Variants in FOXK2 observed in about 807,000 individuals in gnomAD.
FOXK2 encodes the protein forkhead box protein K2.
FOXK2 carries 24 observed loss-of-function variants against 53.3 expected under a neutral mutation model. The ratio of observed to expected loss-of-function variants is 0.45; its 90% CI spans 0.33 to 0.63. The LOEUF (loss-of-function observed/expected upper bound fraction) is 0.63. Among genes scored for constraint, FOXK2 ranks in the 30% least tolerant of loss-of-function variants. FOXK2 has a pLI of 0.03. For synonymous variants in FOXK2, 505 were observed against 407.1 expected (o/e 1.24, Z -2.89); for missense variants, 952 against 910.5 (o/e 1.05, Z -0.59).
At chr17:82,569,924 A>AG (rs34721019) in intron 3 of FOXK2, among the ~76,000 whole-genome samples, 91,402 of 151,086 alleles carry the variant, frequency 0.6, 28,037 homozygotes, top group South Asian at 0.79. Flanking sequence ...TTTTCTGTTT[A>AG]AAAAAAAAAG....
intron 1 of FOXK2, among the ~76,000 whole-genome samples, chr17:82,533,047 A>G (rs1599880252): frequency 6.6e-6 from 1 of 152,146 alleles, no homozygotes; most frequent in Non-Finnish European, 1.5e-5. Flanking sequence ...GTTCCACTCC[A>G]AAGTTCTTAG....
At chr17:82,593,285 T>C (rs2045273619) in intron 8 of FOXK2, 1 of 145,516 alleles carries the variant, frequency 6.9e-6, no homozygotes, top group African/African-American at 2.6e-5. Context: ...GCAGACCCTG[T>C]GAAGGTCTCC....
chr17:82,537,299 T>C (rs1483307721), intron 1 of FOXK2, among the ~76,000 whole-genome samples: 3 of 152,200 alleles, frequency 2.0e-5, no homozygotes, highest in Admixed American at 6.5e-5. Flanking sequence ...TTTAAAAATA[T>C]TGTGAAATAA....
Position 82,596,517 on chromosome 17 carries a change from A to G in FOXK2, c.1787-4786A>G, listed in dbSNP as rs908600852. Among the ~76,000 whole-genome samples, 4 of 152,340 alleles carry G rather than the reference A, an allele frequency of 2.6e-5. No homozygotes were observed. The South Asian group carries it at 8.4e-4, about 32-fold the overall frequency. ...CTCGTCACGCCCCGGGACCGCGCAC[A>G]CGTGGGGACTGTTTCCAGACGCACT... is the stretch of plus-strand genomic sequence containing the variant. On this transcript the variant is annotated intron_variant, in intron 8 of 8. Coordinates refer to ENST00000335255, the MANE Select transcript of FOXK2 (RefSeq NM_004514.4).
intron 1 of FOXK2, among the ~76,000 whole-genome samples, chr17:82,524,584 G>T (rs1730747320): frequency 6.6e-6 from 1 of 152,182 alleles, no homozygotes; most frequent in African/African-American, 2.4e-5. Flanking sequence ...GGCTCAGTGT[G>T]TACAAAGATT....
At chr17:82,521,715 A>G (rs1312913797) in intron 1 of FOXK2, among the ~76,000 whole-genome samples, 7 of 146,618 alleles carry the variant, frequency 4.8e-5, no homozygotes, top group Middle Eastern at 3.2e-3. Flanking sequence ...GTGGATCACG[A>G]GGTCAGGAGG....
rs142839794 is a variant in FOXK2, at chr17:82,574,726, A to G, written c.909+2856A>G. ...TGAGATTCTCTGAGCCGCCCTTCCC[A>G]GTGCCTCAGACCTTATTCTGACTTC... On this transcript the variant is annotated intron_variant, in intron 4 of 8. Coordinates refer to ENST00000335255, the MANE Select transcript of FOXK2 (RefSeq NM_004514.4). Among the ~76,000 whole-genome samples the G allele has an allele frequency of 2.4e-4, 37 of 152,276 alleles. No homozygotes were observed. In the East Asian group the frequency reaches 6.8e-3, roughly 28 times the overall value.
intron 3 of FOXK2, among the ~76,000 whole-genome samples, chr17:82,571,154 G>A (rs570921003): frequency 6.6e-6 from 1 of 152,270 alleles, no homozygotes; most frequent in Admixed American, 6.5e-5. Context: ...TCGTGGTTGA[G>A]GTGCTTTGCC....
intron 1 of FOXK2, among the ~76,000 whole-genome samples, chr17:82,558,836 T>A (rs1164798299): frequency 6.6e-6 from 1 of 152,056 alleles, no homozygotes; most frequent in East Asian, 1.9e-4. Flanking sequence ...AAGCTCCGCC[T>A]CCTGGGTTCA....
chr17:82,568,776 A>G (rs878820), intron 3 of FOXK2, among the ~76,000 whole-genome samples: 39,503 of 152,098 alleles, frequency 0.26, 5,458 homozygotes, highest in East Asian at 0.39. Context: ...TTGGGAGGCC[A>G]AGGCGGGGGG....
chr17:82,544,556 C>T lies in FOXK2; in HGVS notation c.420-18798C>T, dbSNP rs150252793. Among the ~76,000 whole-genome samples the T allele has an allele frequency of 3.8e-4, 58 of 152,282 alleles. 1 individual carries two copies. The highest frequency in any genetic ancestry group is 1.4e-3 in the African/African-American group (58 of 41,550). On this transcript the variant is annotated intron_variant, in intron 1 of 8. Coordinates refer to ENST00000335255, the MANE Select transcript of FOXK2 (RefSeq NM_004514.4). ...TTATTCCCAGCACTGCGTCATCCAA[C>T]ATGTGAGCATTTCTGTTGCTGAACT...
At chr17:82,594,487 G>A (rs1262423886) in intron 8 of FOXK2, among the ~76,000 whole-genome samples, 1 of 119,938 alleles carries the variant, frequency 8.3e-6, no homozygotes, top group Non-Finnish European at 1.6e-5. Flanking sequence ...GACAGAGCGA[G>A]ACTGTCTCAA....
At chr17:82,567,102 C>A (rs1395802809) in intron 2 of FOXK2, among the ~76,000 whole-genome samples, 1 of 152,008 alleles carries the variant, frequency 6.6e-6, no homozygotes, top group Admixed American at 6.6e-5. Context: ...GTTGCCCTTT[C>A]CCTCCTCCCC....
chr17:82,556,953 T>G (rs1345797195), intron 1 of FOXK2, among the ~76,000 whole-genome samples: 1 of 152,078 alleles, frequency 6.6e-6, no homozygotes, highest in Non-Finnish European at 1.5e-5. Context: ...TCCACCTGCT[T>G]CGGCCTCCCA....
At position 82,604,049 on chromosome 17, in the gene FOXK2, C is replaced by G. The variant is rs1482971161; in HGVS notation, c.*2550C>G. 6.6e-6 allele frequency: 1 copy of G among 152,244 alleles called. No homozygotes were observed. The highest frequency in any genetic ancestry group is 1.5e-5 in the Non-Finnish European group (1 of 68,056). 9.4% of individuals were successfully genotyped at this position (152,244 alleles called of 1,614,324 possible). A position where few individuals can be genotyped will look rare whatever the true frequency, so the allele number is the denominator to read the frequency against. On this transcript the variant is annotated 3_prime_UTR_variant, in exon 9 of 9. Coordinates refer to ENST00000335255, the MANE Select transcript of FOXK2 (RefSeq NM_004514.4). ...GCAGCCCTGGCCCCTGGTGCTGGAG[C>G]TGCAGCACCTTTGGGAGAGGTCCTG...
intron 8 of FOXK2, chr17:82,595,905 G>A: frequency 7.8e-7 from 1 of 1,279,826 alleles, no homozygotes; most frequent in Admixed American, 2.4e-5. Context: ...GCCTTTTCCG[G>A]CAGCCCGGAA....
chr17:82,576,548 T>C, intron 4 of FOXK2: 1 of 696,044 alleles, frequency 1.4e-6, no homozygotes, highest in Non-Finnish European at 2.5e-6. Context: ...TCTGTCATCA[T>C]GAGCTGAGCC....
Position 82,567,650 on chromosome 17 carries a change from T to C in FOXK2, c.615-404T>C, listed in dbSNP as rs570561082. Among the ~76,000 whole-genome samples the C allele has an allele frequency of 6.4e-4, 97 of 152,332 alleles. 1 individual carries two copies. Among genetic ancestry groups the C allele is most frequent in the African/African-American group, 2.3e-3 (95 of 41,574 alleles). ...CACCACCCCGACTTTCCCTGTCTTTTCTGTGCCCCCTGTCACAGCTCCTCA... is the reference window on the plus strand; with the variant it reads ...CACCACCCCGACTTTCCCTGTCTTTCCTGTGCCCCCTGTCACAGCTCCTCA... On this transcript the variant is annotated intron_variant, in intron 2 of 8. Coordinates refer to ENST00000335255, the MANE Select transcript of FOXK2 (RefSeq NM_004514.4).
At chr17:82,571,309 TGAG>T (rs2143036903) in intron 3 of FOXK2, among the ~76,000 whole-genome samples, 1 of 152,266 alleles carries the variant, frequency 6.6e-6, no homozygotes, top group South Asian at 2.1e-4. Flanking sequence ...GTAAGAAAAA[TGAG>T]GTATCAGGCT....
Sources: allele counts gnomAD v4.1 joint callset (sites outside exome capture counted in the v4.1 genomes callset), GRCh38; gene constraint gnomAD v4.1.1; transcripts MANE v1.5; gene names NCBI Gene and HGNC (gene_info 2026-07-23, HGNC 2026-07-21).